The following GNG4 variants were observed in gnomAD, a reference collection of about 807,000 sequenced individuals.
GNG4 encodes the protein guanine nucleotide-binding protein G(I)/G(S)/G(O) subunit gamma-4.
In GNG4, 4 loss-of-function variants were observed where a neutral mutation model predicts 5.8. The observed-to-expected ratio is 0.69, with a 90% CI of 0.34 to 1.57. The LOEUF (loss-of-function observed/expected upper bound fraction) is 1.57, where lower values mean the gene tolerates loss of function less well. Among genes scored for constraint, GNG4 ranks in the 40% most tolerant of loss-of-function variants. The pLI, the probability that GNG4 is intolerant of heterozygous loss-of-function variation, is 0.06. For synonymous variants in GNG4, 29 were observed against 32.9 expected (o/e 0.88, Z 0.41); for missense variants, 96 against 95.1 (o/e 1.01, Z -0.04).
At chr1:235,628,416 C>A (rs775851296) in intron 1 of GNG4, among the ~76,000 whole-genome samples, 1 of 136,772 alleles carries the variant, frequency 7.3e-6, no homozygotes, top group Non-Finnish European at 1.6e-5. Context: ...TGTTAGGAGA[C>A]GGGGGGGGGT....
chr1:235,573,401 CA>C (rs1294924640), intron 3 of GNG4, among the ~76,000 whole-genome samples: 3 of 151,444 alleles, frequency 2.0e-5, no homozygotes, highest in East Asian at 3.9e-4. Flanking sequence ...TGCAGCACAC[CA>C]AATATGGCAC....
chr1:235,619,910 G>C (rs1688670818), intron 1 of GNG4, among the ~76,000 whole-genome samples: 1 of 152,150 alleles, frequency 6.6e-6, no homozygotes, highest in Non-Finnish European at 1.5e-5. Context: ...TACTAAGTTA[G>C]AGTTAGCAGG....
intron 1 of GNG4, among the ~76,000 whole-genome samples, chr1:235,601,411 A>C (rs1338888665): frequency 6.6e-6 from 1 of 152,064 alleles, no homozygotes; most frequent in East Asian, 1.9e-4. Context: ...CTTATGAGGG[A>C]GGCGCCCGGC....
intron 3 of GNG4, among the ~76,000 whole-genome samples, chr1:235,552,863 G>C (rs1274396395): frequency 6.6e-6 from 1 of 152,162 alleles, no homozygotes; most frequent in Non-Finnish European, 1.5e-5. Flanking sequence ...CTGGGTTCAA[G>C]TGATGCTCCT....
At chr1:235,589,780 A>G (rs1368891463) in intron 2 of GNG4, among the ~76,000 whole-genome samples, 1 of 152,204 alleles carries the variant, frequency 6.6e-6, no homozygotes, top group African/African-American at 2.4e-5. Context: ...CCACTGGGGA[A>G]TCAACCAAGG....
intron 1 of GNG4, among the ~76,000 whole-genome samples, chr1:235,597,628 G>GTGTGTGTGTGTA (rs772061855): frequency 8.3e-5 from 6 of 72,492 alleles, no homozygotes; most frequent in East Asian, 2.7e-4. Context: ...GTGTGTGTGT[G>GTGTGTGTGTGTA]TATTTTTTTT....
chr1:235,617,424 G>A (rs1688615013), intron 1 of GNG4, among the ~76,000 whole-genome samples: 1 of 152,166 alleles, frequency 6.6e-6, no homozygotes, highest in Non-Finnish European at 1.5e-5. Context: ...TTGATTTGGG[G>A]GCAGCACCTG....
At chr1:235,596,077 G>A (rs2102956877) in intron 1 of GNG4, among the ~76,000 whole-genome samples, 1 of 152,288 alleles carries the variant, frequency 6.6e-6, no homozygotes, top group Admixed American at 6.5e-5. Flanking sequence ...GGGAGGCTGA[G>A]GCAGGAGAAT....
At chr1:235,645,797 C>CAAAAAAAAAAAAAAAAAA (rs6143682) in intron 1 of GNG4, among the ~76,000 whole-genome samples, 2 of 90,380 alleles carry the variant, frequency 2.2e-5, no homozygotes, top group Admixed American at 1.4e-4. Context: ...AACTCAGTCT[C>CAAAAAAAAAAAAAAAAAA]AAAAAAAAAA....
At chr1:235,606,998 G>A (rs1338923040) in intron 1 of GNG4, among the ~76,000 whole-genome samples, 8 of 139,856 alleles carry the variant, frequency 5.7e-5, no homozygotes, top group East Asian at 4.2e-4. Flanking sequence ...GAGTGCAGTC[G>A]TGTGATCTCA....
chr1:235,556,459 G>A (rs1326817447), intron 3 of GNG4, among the ~76,000 whole-genome samples: 5 of 151,566 alleles, frequency 3.3e-5, no homozygotes, highest in African/African-American at 1.2e-4. Context: ...TCGGGAGGCT[G>A]AGGCAGGAGA....
chr1:235,603,372 G>A (rs988049218), intron 1 of GNG4, among the ~76,000 whole-genome samples: 10 of 152,074 alleles, frequency 6.6e-5, no homozygotes, highest in Admixed American at 3.9e-4. Flanking sequence ...CTGTACACGT[G>A]GATGTGTAAG....
chr1:235,571,487 G>A (rs1687342768), intron 3 of GNG4, among the ~76,000 whole-genome samples: 1 of 152,160 alleles, frequency 6.6e-6, no homozygotes, highest in African/African-American at 2.4e-5. Flanking sequence ...GTAAATGTTG[G>A]CCGCTATTAT....
At chr1:235,621,294 T>C (rs904848926) in intron 1 of GNG4, among the ~76,000 whole-genome samples, 33 of 136,904 alleles carry the variant, frequency 2.4e-4, no homozygotes, top group Admixed American at 5.7e-4. Flanking sequence ...TTTCTTTTCT[T>C]TTCTTTTTTT....
Position 235,551,908 on chromosome 1 carries a change from A to G in GNG4, c.*201T>C. On this transcript the variant is annotated 3_prime_UTR_variant, in exon 4 of 4. Coordinates refer to ENST00000391854, the MANE Select transcript of GNG4 (RefSeq NM_001098722.2). ...AACATTTTGATTTTCTTTGCCAATA[A>G]TGAAAATAACATGAAAATGAAAAGG... The G allele has an allele frequency of 2.1e-6, 1 of 487,044 alleles. No homozygotes were observed. Among genetic ancestry groups the G allele is most frequent in the East Asian group, 3.5e-5 (1 of 28,480 alleles). The allele number at this position is 487,044 out of a possible 1,614,324, so 30.2% of individuals were successfully genotyped here.
At chr1:235,580,415 G>GT (rs1687599106) in intron 3 of GNG4, among the ~76,000 whole-genome samples, 1 of 152,186 alleles carries the variant, frequency 6.6e-6, no homozygotes, top group African/African-American at 2.4e-5. Context: ...ATGATAAATT[G>GT]TATGTTATAT....
chr1:235,587,871 AGGGTGTGGG>A (rs1347477890), intron 2 of GNG4, among the ~76,000 whole-genome samples: 1 of 140,328 alleles, frequency 7.1e-6, no homozygotes, highest in African/African-American at 2.7e-5. Flanking sequence ...AGTGTGTGAG[AGGGTGTGGG>A]GGGTGTGTTT....
At chr1:235,649,913 G>A (rs1657627685), upstream of GNG4, 1 of 149,908 alleles carries the variant, frequency 6.7e-6, no homozygotes, top group South Asian at 2.1e-4. This position sits in a 1 kb window ranked among gnomAD's most constrained non-coding sequence, Gnocchi z 5.7. Flanking sequence ...CCTGGACGCT[G>A]GGGGCTTCTG....
At chr1:235,567,126 G>T (rs1162571162) in intron 3 of GNG4, among the ~76,000 whole-genome samples, 1 of 151,748 alleles carries the variant, frequency 6.6e-6, no homozygotes, top group Non-Finnish European at 1.5e-5. Flanking sequence ...TAGAGATGTG[G>T]TCTCGCTATG....
Sources: allele counts gnomAD v4.1 joint callset (sites outside exome capture counted in the v4.1 genomes callset), GRCh38; gene constraint gnomAD v4.1.1; non-coding constraint Gnocchi (gnomAD v3.1); transcripts MANE v1.5; gene names NCBI Gene and HGNC (gene_info 2026-07-23, HGNC 2026-07-21).